RYR3: variants seen among roughly 807,000 people sequenced by gnomAD.
RYR3 encodes the protein ryanodine receptor 3.
RYR3 carries 207 observed loss-of-function variants against 584.3 expected under a neutral mutation model. The observed-to-expected ratio is 0.35, with a 90% CI of 0.32 to 0.40. RYR3 has a LOEUF of 0.40. Ranked by LOEUF, RYR3 falls within the 10% of genes least tolerant of loss-of-function variation. The probability of loss-of-function intolerance (pLI) is 1.00; values close to 1 mark genes in which losing one functional copy is unlikely to be tolerated. For missense variants in RYR3, 5,616 were observed against 6,089.2 expected (o/e 0.92, Z 2.59); for synonymous variants, 2,416 against 2,248.5 (o/e 1.07, Z -2.11).
Position 33,819,782 on chromosome 15 carries a change from C to A in RYR3, c.10733C>A (p.Thr3578Asn). 6.3e-7 allele frequency: 1 copy of A among 1,585,242 alleles called. No homozygotes were observed. Among genetic ancestry groups the A allele is most frequent in the Non-Finnish European group, 8.6e-7 (1 of 1,163,492 alleles). Residue 3578 changes from threonine (T) to asparagine (N), a missense_variant, in exon 77 of 104, where the codon ACC becomes AAC. Thr to Asn is a moderately conservative substitution (Grantham distance 65). Around this residue, in one of 9 missense-constraint regions of RYR3, gnomAD observed 954 missense variants for 1,132.2 expected, o/e 0.84. Coordinates refer to ENST00000634891, the MANE Select transcript of RYR3 (RefSeq NM_001036.6). ...AAATTGGAAGACGACCCTTTGTACA[C>A]CTCCTATTCCAGCATGATGGCCAAG... ...RSKLEDDPLY[T>N]SYSSMMAKSC...
chr15:33,549,299 A>C (rs1437152556), intron 9 of RYR3, among the ~76,000 whole-genome samples: 1 of 152,166 alleles, frequency 6.6e-6, no homozygotes, highest in Non-Finnish European at 1.5e-5. Context: ...TTGCTTGCTC[A>C]TTTCCCCAGA....
At chr15:33,708,775 G>A (rs555913500) in intron 43 of RYR3, among the ~76,000 whole-genome samples, 8 of 152,308 alleles carry the variant, frequency 5.3e-5, no homozygotes, top group African/African-American at 1.9e-4. Context: ...CCTTACAGAT[G>A]GAGCAATGGT....
chr15:33,480,877 C>G (rs1037666990), intron 2 of RYR3, among the ~76,000 whole-genome samples: 3 of 152,142 alleles, frequency 2.0e-5, no homozygotes, highest in Admixed American at 1.3e-4. Flanking sequence ...GTGTTCAAAT[C>G]TTCTATGTCC....
At chr15:33,647,562 T>G in intron 30 of RYR3, 102 bp downstream of exon 30, 1 of 784,670 alleles carries the variant, frequency 1.3e-6, no homozygotes, top group South Asian at 1.6e-5. Flanking sequence ...CCTCTTTAAT[T>G]GCCAATTACT....
At chr15:33,530,779 C>A in intron 4 of RYR3, 113 bp downstream of exon 4, 1 of 757,510 alleles carries the variant, frequency 1.3e-6, no homozygotes, top group Non-Finnish European at 2.3e-6. Flanking sequence ...TGGAACATAA[C>A]TAATTTTAGC....
intron 32 of RYR3, among the ~76,000 whole-genome samples, chr15:33,657,195 C>T (rs1300918748): frequency 6.6e-6 from 1 of 152,176 alleles, no homozygotes; most frequent in Non-Finnish European, 1.5e-5. Flanking sequence ...AAACCTATCC[C>T]AGGGCATCCT....
chr15:33,642,352 A>G (rs1208308856), intron 27 of RYR3, among the ~76,000 whole-genome samples: 4 of 152,176 alleles, frequency 2.6e-5, no homozygotes, highest in South Asian at 2.1e-4. Context: ...AGGCTGGACT[A>G]TTTCATGATC....
chr15:33,788,219 G>A lies in RYR3; in HGVS notation c.9591G>A (p.Val3197=). ...CGGGGAGGCTCTTTGTAAACGCAGT[G>A]TATGCACAGCCCATCATCAGCAAAG... ...DEASWMKRIA[V]YAQPIISKAR... Residue 3197 remains valine, a splice_region_variant and synonymous_variant, in exon 67 of 104, where the codon GTG becomes GTA. Coordinates refer to ENST00000634891, the MANE Select transcript of RYR3 (RefSeq NM_001036.6). 1 of 1,613,924 alleles carries A rather than the reference G, an allele frequency of 6.2e-7. No homozygotes were observed. Among genetic ancestry groups the A allele is most frequent in the Non-Finnish European group, 8.5e-7 (1 of 1,179,880 alleles).
intron 60 of RYR3, among the ~76,000 whole-genome samples, chr15:33,765,656 GAAAAT>G (rs1383715313): frequency 1.2e-4 from 11 of 90,554 alleles, no homozygotes; most frequent in African/African-American, 3.7e-4. Context: ...AAAAAAAAAA[GAAAAT>G]AGTCTAAATA....
rs144486359 is a variant in RYR3 at position 33,361,295 on chromosome 15, A to G, written c.51+50199A>G. Among the ~76,000 whole-genome samples the G allele has an allele frequency of 2.8e-3, 433 of 152,360 alleles. 3 individuals carry two copies. The highest frequency in any genetic ancestry group is 4.7e-3 in the Non-Finnish European group (317 of 68,028). The stretch of plus-strand genomic sequence containing the variant: ...AACACATGATGCAGAATTATTACAA[A>G]GGATAGAATCCCTCAGCAGATTACA... On this transcript the variant is annotated intron_variant, in intron 1 of 103. Transcript: ENST00000634891.
intron 86 of RYR3, among the ~76,000 whole-genome samples, chr15:33,832,465 G>A (rs990354671): frequency 3.3e-5 from 5 of 152,000 alleles, no homozygotes; most frequent in Middle Eastern, 3.2e-3. Context: ...GACTAGCCTG[G>A]CCAACATGGC....
intron 48 of RYR3, 132 bp downstream of exon 48, chr15:33,731,826 G>C: frequency 3.0e-6 from 2 of 676,780 alleles, no homozygotes; most frequent in Non-Finnish European, 5.3e-6. Flanking sequence ...CCCTCCCCCA[G>C]ACATCTCATA....
chr15:33,840,803 A>C (rs1256802997), intron 89 of RYR3, 22 bp from the exon 90 acceptor site: 2 of 1,612,822 alleles, frequency 1.2e-6, no homozygotes, highest in Non-Finnish European at 1.7e-6. Flanking sequence ...GGAAAGCTTG[A>C]CTAATTGTTA....
intron 69 of RYR3, among the ~76,000 whole-genome samples, chr15:33,804,025 G>A (rs2076055425): frequency 6.6e-6 from 1 of 152,168 alleles, no homozygotes; most frequent in Non-Finnish European, 1.5e-5. Flanking sequence ...AGATGAGGTA[G>A]CAGAAAATGG....
At chr15:33,479,767 T>G (rs1349239514) in intron 2 of RYR3, among the ~76,000 whole-genome samples, 6 of 152,136 alleles carry the variant, frequency 3.9e-5, no homozygotes, top group Non-Finnish European at 8.8e-5. Flanking sequence ...CTCCATGTAA[T>G]TAGACTTCAG....
chr15:33,619,130 C>T (rs2060594994), intron 19 of RYR3, among the ~76,000 whole-genome samples: 2 of 148,526 alleles, frequency 1.3e-5, no homozygotes, highest in South Asian at 2.4e-4. Flanking sequence ...TTACTGTAAA[C>T]ACTTTAGGAA....
At chr15:33,554,850 A>G (rs955962885) in intron 10 of RYR3, among the ~76,000 whole-genome samples, 2 of 152,230 alleles carry the variant, frequency 1.3e-5, no homozygotes, top group African/African-American at 4.8e-5. Context: ...GTCATGACTC[A>G]ATGTCAGTTT....
intron 1 of RYR3, among the ~76,000 whole-genome samples, chr15:33,374,065 A>G (rs1169807652): frequency 3.3e-5 from 5 of 152,216 alleles, no homozygotes; most frequent in African/African-American, 1.2e-4. Context: ...TTAATTTGAC[A>G]TATTTTTATT....
At chr15:33,864,108 G>A (rs200357997) in intron 102 of RYR3, 30 bp from the exon 103 acceptor site, 4 of 1,561,002 alleles carry the variant, frequency 2.6e-6, no homozygotes, top group Non-Finnish European at 3.5e-6. Flanking sequence ...CTTGACCAGA[G>A]TATCTAATAC....
Sources: gnomAD v4.1 joint callset for allele counts (sites outside exome capture counted in the v4.1 genomes callset) on GRCh38, gnomAD v4.1.1 for gene constraint, gnomAD v4.1.1 regional missense constraint, MANE v1.5 for transcripts, NCBI Gene and HGNC (gene_info 2026-07-23, HGNC 2026-07-21) for gene names.